DACH1: variants seen among roughly 807,000 people sequenced by gnomAD.
DACH1 encodes dachshund family transcription factor 1.
In DACH1, 12 loss-of-function variants were observed where a neutral mutation model predicts 54.2. That is an observed-to-expected ratio of 0.22 (90% CI 0.14 to 0.36). The LOEUF is 0.36. Among genes scored for constraint, DACH1 ranks in the 10% least tolerant of loss-of-function variants. The pLI is 1.00. For missense variants in DACH1, 805 were observed against 929.8 expected, an observed-to-expected ratio of 0.87 and a Z score of 1.75; for synonymous variants, 386 against 366.2, an observed-to-expected ratio of 1.05 and a Z score of -0.62.
chr13:71,866,293 ACTGCTGCTGCTGCTACTACTGCTGCTG>A lies in DACH1; in HGVS notation c.450_476del (p.Ser155_Ser163del), dbSNP rs745972306. 18 of 1,566,778 alleles carry A rather than the reference ACTGCTGCTGCTGCTACTACTGCTGCTG, an allele frequency of 1.1e-5. No individual in the cohort carries two copies. The highest frequency in any genetic ancestry group is 3.8e-5 in the Admixed American group (2 of 52,978). On this transcript the variant is annotated inframe_deletion, in exon 1 of 11. Coordinates refer to ENST00000613252, the MANE Select transcript of DACH1 (RefSeq NM_080759.6). ...GGAGGGGGCCGCAGCTGCTGCTGCTACTGCTGCTGCTGCTACTACTGCTGCTGCTGCTGCTGCTGCTACTGCTGCTGC... is the reference window on the plus strand; with the variant it reads ...GGAGGGGGCCGCAGCTGCTGCTGCTACTGCTGCTGCTGCTACTGCTGCTGC...
intron 2 of DACH1, among the ~76,000 whole-genome samples, chr13:71,638,752 A>G (rs1877685191): frequency 6.6e-6 from 1 of 152,206 alleles, no homozygotes; most frequent in Non-Finnish European, 1.5e-5. Context: ...AGAATTTTAA[A>G]ATTAGCTCAG....
chr13:71,658,090 G>C (rs1315755457), intron 2 of DACH1, among the ~76,000 whole-genome samples: 2 of 152,092 alleles, frequency 1.3e-5, no homozygotes, highest in African/African-American at 4.8e-5. Context: ...CTTAAACACA[G>C]TATATCTATG....
chr13:71,780,794 A>G (rs1886337922), intron 1 of DACH1, among the ~76,000 whole-genome samples: 1 of 152,030 alleles, frequency 6.6e-6, no homozygotes, highest in Non-Finnish European at 1.5e-5. Context: ...GTTTTGTTTA[A>G]CTTTCTTGTT....
chr13:71,711,060 A>T (rs1040651401), intron 1 of DACH1, among the ~76,000 whole-genome samples: 4 of 152,176 alleles, frequency 2.6e-5, no homozygotes, highest in Admixed American at 2.6e-4. Context: ...TAGAAAGAAA[A>T]CAGGATTGCA....
At chr13:71,781,428 G>C (rs1419656840) in intron 1 of DACH1, among the ~76,000 whole-genome samples, 3 of 151,038 alleles carry the variant, frequency 2.0e-5, no homozygotes, top group Non-Finnish European at 4.4e-5. Context: ...ACCCAGGCTG[G>C]AGTGCAGTGG....
intron 1 of DACH1, among the ~76,000 whole-genome samples, chr13:71,768,143 C>A (rs142730297): frequency 6.6e-6 from 1 of 151,870 alleles, no homozygotes; most frequent in African/African-American, 2.4e-5. Flanking sequence ...CCAGTCCCAG[C>A]GATTCAATCA....
At chr13:71,627,390 T>C (rs1318296143) in intron 3 of DACH1, among the ~76,000 whole-genome samples, 1 of 147,898 alleles carries the variant, frequency 6.8e-6, no homozygotes, top group Non-Finnish European at 1.5e-5. Context: ...GCTAGATGAG[T>C]GCAGGAGAAA....
intron 10 of DACH1, among the ~76,000 whole-genome samples, chr13:71,445,858 G>T (rs1874406450): frequency 6.6e-6 from 1 of 152,202 alleles, no homozygotes; most frequent in African/African-American, 2.4e-5. Context: ...TTATGGGGCT[G>T]TGGTTCTAAC....
In DACH1 at chr13:71,438,930, A is replaced by G. The variant is rs1873755176; in HGVS notation, c.*1725T>C. 6.6e-6 allele frequency: 1 copy of G among 152,484 alleles called. No homozygotes were observed. Among genetic ancestry groups the G allele is most frequent in the Non-Finnish European group, 1.5e-5 (1 of 67,918 alleles). 9.4% of individuals were successfully genotyped at this position (152,484 alleles called of 1,614,324 possible). On this transcript the variant is annotated 3_prime_UTR_variant, in exon 11 of 11. Coordinates refer to ENST00000613252, the MANE Select transcript of DACH1 (RefSeq NM_080759.6). ...GCAAGCTAAAATAGGAACTGTACATATAACCTTTTTATGGTATTAAAAAGA... is the reference window on the plus strand; with the variant it reads ...GCAAGCTAAAATAGGAACTGTACATGTAACCTTTTTATGGTATTAAAAAGA...
At chr13:71,507,041 A>C (rs562755835) in intron 6 of DACH1, among the ~76,000 whole-genome samples, 464 of 151,240 alleles carry the variant, frequency 3.1e-3, no homozygotes, top group Middle Eastern at 3.4e-3. Flanking sequence ...GCAACAAAAG[A>C]CAAAATTGAC....
chr13:71,783,964 T>TAA (rs35579396), intron 1 of DACH1, among the ~76,000 whole-genome samples: 86 of 116,158 alleles, frequency 7.4e-4, no homozygotes, highest in African/African-American at 2.6e-3. Flanking sequence ...CTCCAAGGTT[T>TAA]AAAAAAAAAA....
intron 1 of DACH1, among the ~76,000 whole-genome samples, chr13:71,820,949 G>C (rs964039170): frequency 1.2e-4 from 18 of 152,106 alleles, no homozygotes; most frequent in Admixed American, 1.1e-3. Flanking sequence ...AAAACCCAAA[G>C]TACAACCTTA....
chr13:71,448,338 GTCT>G (rs1874658315), intron 10 of DACH1, among the ~76,000 whole-genome samples: 1 of 152,096 alleles, frequency 6.6e-6, no homozygotes, highest in Non-Finnish European at 1.5e-5. Context: ...TCAACATAAT[GTCT>G]TCATCATGTG....
rs991657366 is a variant in DACH1, at chr13:71,439,398, T to C, written c.*1257A>G. ...CAGTGAAAATAACACATAGCCACCC[T>C]TCCCTCTGACAAGGGTGGGAAGCAC... On this transcript the variant is annotated 3_prime_UTR_variant, in exon 11 of 11. Coordinates refer to ENST00000613252, the MANE Select transcript of DACH1 (RefSeq NM_080759.6). 1 of 152,506 alleles carries C rather than the reference T, an allele frequency of 6.6e-6. No individual in the cohort carries two copies. Among genetic ancestry groups the C allele is most frequent in the East Asian group, 1.9e-4 (1 of 5,196 alleles). 9.4% of individuals were successfully genotyped at this position (152,506 alleles called of 1,614,324 possible). A position where few individuals can be genotyped will look rare whatever the true frequency, so the allele number is the denominator to read the frequency against.
chr13:71,644,912 T>C (rs952354539), intron 2 of DACH1, among the ~76,000 whole-genome samples: 1 of 152,154 alleles, frequency 6.6e-6, no homozygotes, highest in Non-Finnish European at 1.5e-5. Context: ...CTGTTTCTTT[T>C]CTGTATTTGC....
chr13:71,623,076 C>T (rs564044997), intron 3 of DACH1, among the ~76,000 whole-genome samples: 1 of 151,546 alleles, frequency 6.6e-6, no homozygotes, highest in Non-Finnish European at 1.5e-5. Context: ...ATAAATCATG[C>T]TGTAATGATT....
At chr13:71,499,596 G>A (rs1410249083) in intron 6 of DACH1, among the ~76,000 whole-genome samples, 2 of 152,108 alleles carry the variant, frequency 1.3e-5, no homozygotes. Context: ...CCCAAAAGCA[G>A]AAACCTAATT....
chr13:71,493,302 G>A (rs953405466), intron 6 of DACH1, among the ~76,000 whole-genome samples: 11 of 152,074 alleles, frequency 7.2e-5, no homozygotes, highest in Non-Finnish European at 1.3e-4. Context: ...CATGCAACAA[G>A]GGACTGAGGG....
chr13:71,727,630 G>C (rs1401690218), intron 1 of DACH1, among the ~76,000 whole-genome samples: 1 of 152,062 alleles, frequency 6.6e-6, no homozygotes, highest in Non-Finnish European at 1.5e-5. Context: ...AGCCAATAAA[G>C]AGCTGAAAAT....
Sources: allele counts gnomAD v4.1 joint callset (sites outside exome capture counted in the v4.1 genomes callset), GRCh38; gene constraint gnomAD v4.1.1; transcripts MANE v1.5; gene names NCBI Gene and HGNC (gene_info 2026-07-23, HGNC 2026-07-21).